Variants in ZC3HAV1 observed in about 807,000 individuals in gnomAD.
ZC3HAV1 encodes the protein zinc finger CCCH-type antiviral protein 1.
In ZC3HAV1, 41 loss-of-function variants were observed where a neutral mutation model predicts 86.6. The ratio of observed to expected loss-of-function variants is 0.47; its 90% CI spans 0.37 to 0.61. The LOEUF (loss-of-function observed/expected upper bound fraction) is 0.61. ZC3HAV1 is among the 20% of genes least tolerant of loss of function. The probability of loss-of-function intolerance (pLI) is 0.00; values close to 1 mark genes in which losing one functional copy is unlikely to be tolerated. For synonymous variants in ZC3HAV1, 421 were observed against 432.1 expected (o/e 0.97, Z 0.32); for missense variants, 964 against 1,141.1 (o/e 0.84, Z 2.24).
chr7:139,077,464 G>A (rs1331540233), intron 5 of ZC3HAV1, among the ~76,000 whole-genome samples: 5 of 152,164 alleles, frequency 3.3e-5, no homozygotes, highest in African/African-American at 4.8e-5. Flanking sequence ...GACTGGTCTT[G>A]AACTCCTGGC....
intron 12 of ZC3HAV1, 82 bp from the exon 13 acceptor site, chr7:139,047,935 T>C: frequency 7.0e-7 from 1 of 1,420,898 alleles, no homozygotes; most frequent in Non-Finnish European, 9.5e-7. Context: ...TACAGTCAGA[T>C]GGGTGTGGAC....
chr7:139,090,643 C>T (rs1342784652), intron 1 of ZC3HAV1, among the ~76,000 whole-genome samples: 1 of 152,050 alleles, frequency 6.6e-6, no homozygotes, highest in Non-Finnish European at 1.5e-5. Context: ...TTATCGGTTG[C>T]ACTATTATTT....
intron 9 of ZC3HAV1, 56 bp from the exon 10 acceptor site, chr7:139,055,351 G>A: frequency 6.7e-7 from 1 of 1,488,890 alleles, no homozygotes; most frequent in Non-Finnish European, 9.3e-7. Flanking sequence ...CCCAAGTGAT[G>A]TTTTCTCTTA....
At chr7:139,087,407 G>A (rs1281869282) in intron 2 of ZC3HAV1, among the ~76,000 whole-genome samples, 1 of 150,056 alleles carries the variant, frequency 6.7e-6, no homozygotes, top group South Asian at 2.1e-4. Flanking sequence ...GAGACAGAGG[G>A]ACAGAGACAG....
intron 1 of ZC3HAV1, among the ~76,000 whole-genome samples, chr7:139,094,073 G>A (rs1817510508): frequency 6.6e-6 from 1 of 152,094 alleles, no homozygotes; most frequent in African/African-American, 2.4e-5. Context: ...GCATCACTTG[G>A]GAGGTTTTCA....
intron 2 of ZC3HAV1, 41 bp downstream of exon 2, chr7:139,089,583 A>G: frequency 6.4e-7 from 1 of 1,554,714 alleles, no homozygotes; most frequent in Non-Finnish European, 8.7e-7. Context: ...CAATACTGCC[A>G]GTAATATTCT....
At chr7:139,097,435 T>TTTTTTTTATTTTTTTTTA (rs1817637022) in intron 1 of ZC3HAV1, among the ~76,000 whole-genome samples, 1 of 121,018 alleles carries the variant, frequency 8.3e-6, no homozygotes, top group African/African-American at 3.5e-5. Flanking sequence ...TATATTTTTT[T>TTTTTTTTATTTTTTTTTA]TTTTTTTTTT....
intron 1 of ZC3HAV1, among the ~76,000 whole-genome samples, chr7:139,101,423 G>C (rs1327031914): frequency 4.0e-5 from 5 of 125,142 alleles, no homozygotes; most frequent in African/African-American, 1.5e-4. Flanking sequence ...GCCGCCCATC[G>C]TCTGAGATGC....
At chr7:139,104,474 G>A (rs748428764) in intron 1 of ZC3HAV1, among the ~76,000 whole-genome samples, 1 of 151,840 alleles carries the variant, frequency 6.6e-6, no homozygotes, top group Non-Finnish European at 1.5e-5. Flanking sequence ...AGCACTTTGG[G>A]AGGCTGAGGT....
intron 12 of ZC3HAV1, among the ~76,000 whole-genome samples, chr7:139,050,773 A>G (rs1230419593): frequency 6.6e-6 from 1 of 152,180 alleles, no homozygotes; most frequent in African/African-American, 2.4e-5. Context: ...GTCACTTAAG[A>G]TGGTTACTAC....
chr7:139,054,157 C>T, intron 10 of ZC3HAV1, 62 bp from the exon 11 acceptor site: 1 of 1,457,512 alleles, frequency 6.9e-7, no homozygotes, highest in Non-Finnish European at 9.1e-7. Flanking sequence ...GATACATCCA[C>T]ATATGTGCCC....
chr7:139,082,738 T>A (rs1486898122), intron 3 of ZC3HAV1, among the ~76,000 whole-genome samples: 1 of 152,180 alleles, frequency 6.6e-6, no homozygotes, highest in Admixed American at 6.6e-5. Context: ...AGGATAAATA[T>A]TGTACGATTC....
Position 139,083,877 on chromosome 7 carries a change from G to A in ZC3HAV1, c.600C>T (p.Ala200=), listed in dbSNP as rs1262645614. Residue 200 remains alanine, a synonymous_variant, in exon 3 of 13, where the codon GCC becomes GCT. Coordinates refer to ENST00000242351, the MANE Select transcript of ZC3HAV1 (RefSeq NM_020119.4). ...GGTTCAGCCCGTGCTCCCTCATGAT[G>A]GCCAGCACCTTTCTGTCCATCAGGT... is the stretch of plus-strand genomic sequence containing the variant. ...SHNLMDRKVL[A]IMREHGLNPD... 6.2e-7 allele frequency: 1 copy of A among 1,614,132 alleles called. No homozygotes were observed. The highest frequency in any genetic ancestry group is 8.5e-7 in the Non-Finnish European group (1 of 1,180,026).
At chr7:139,068,063 ATTATTATT>A (rs1816660111) in intron 7 of ZC3HAV1, among the ~76,000 whole-genome samples, 1 of 130,158 alleles carries the variant, frequency 7.7e-6, no homozygotes, top group Non-Finnish European at 1.6e-5. Flanking sequence ...TATTATTATT[ATTATTATT>A]TTGAGACTCA....
In ZC3HAV1 at chr7:139,099,706, C is replaced by T. The variant is rs180941657; in HGVS notation, c.308+9318G>A. Among the ~76,000 whole-genome samples the T allele has an allele frequency of 1.5e-3, 233 of 152,316 alleles. 1 individual carries two copies. The highest frequency in any genetic ancestry group is 3.1e-3 in the Non-Finnish European group (211 of 68,026). On this transcript the variant is annotated intron_variant, in intron 1 of 12. Coordinates refer to ENST00000242351, the MANE Select transcript of ZC3HAV1 (RefSeq NM_020119.4). Reference sequence around the variant, plus strand: ...CTTCGGGAGGCCCAGGAGGGCAGATCACCTGAGGTCAGGAGTTCAAGAGCA... The same window carrying T: ...CTTCGGGAGGCCCAGGAGGGCAGATTACCTGAGGTCAGGAGTTCAAGAGCA...
intron 7 of ZC3HAV1, among the ~76,000 whole-genome samples, chr7:139,068,024 T>TTTATTA (rs142686573): frequency 2.7e-3 from 381 of 142,070 alleles, no homozygotes; most frequent in Middle Eastern, 0.011. Context: ...TCTTTCTTTC[T>TTTATTA]TTATTATTAT....
chr7:139,061,512 T>C (rs1816442634), intron 8 of ZC3HAV1, among the ~76,000 whole-genome samples: 1 of 152,262 alleles, frequency 6.6e-6, no homozygotes, highest in South Asian at 2.1e-4. Context: ...AGGGTTCTTT[T>C]CTACATCAAG....
intron 1 of ZC3HAV1, among the ~76,000 whole-genome samples, chr7:139,091,265 C>G (rs930657432): frequency 5.3e-5 from 8 of 152,112 alleles, no homozygotes; most frequent in South Asian, 2.1e-4. Flanking sequence ...TTCGGGAGGC[C>G]GAGGCGGGCG....
At position 139,079,732 on chromosome 7, in the gene ZC3HAV1, T is replaced by A. The variant is rs1391485527; in HGVS notation, c.1209A>T (p.Thr403=). 1 of 1,614,118 alleles carries A rather than the reference T, an allele frequency of 6.2e-7. No individual in the cohort carries two copies. The highest frequency in any genetic ancestry group is 8.5e-7 in the Non-Finnish European group (1 of 1,180,048). Residue 403 remains threonine, a synonymous_variant, in exon 4 of 13, where the codon ACA becomes ACT. Transcript: ENST00000242351. ...TPEAVTTRKG[T]GLLSSDYRII... is the part of the protein sequence containing the mutation. ...TCCTGTAGTCTGAGGAAAGCAAGCCTGTGCCCTTTCTGGTGGTCACAGCTT... is the reference window on the plus strand; with the variant it reads ...TCCTGTAGTCTGAGGAAAGCAAGCCAGTGCCCTTTCTGGTGGTCACAGCTT...
Sources: gnomAD v4.1 joint callset for allele counts (sites outside exome capture counted in the v4.1 genomes callset) on GRCh38, gnomAD v4.1.1 for gene constraint, MANE v1.5 for transcripts, NCBI Gene and HGNC (gene_info 2026-07-23, HGNC 2026-07-21) for gene names.